Variants in USP21 observed in about 807,000 individuals in gnomAD.
USP21 encodes ubiquitin specific peptidase 21, also known as ubiquitin carboxyl-terminal hydrolase 21.
In USP21, 37 loss-of-function variants were observed where a neutral mutation model predicts 70.8. The ratio of observed to expected loss-of-function variants is 0.52; its 90% confidence interval spans 0.40 to 0.69. The LOEUF (loss-of-function observed/expected upper bound fraction) is 0.69. Among genes scored for constraint, USP21 ranks in the 30% least tolerant of loss-of-function variants. The pLI, the probability that USP21 is intolerant of heterozygous loss-of-function variation, is 0.00. For synonymous variants in USP21, 263 were observed against 283.1 expected (o/e 0.93, Z 0.71); for missense variants, 584 against 740.8 (o/e 0.79, Z 2.46).
rs1372670619 is a variant in USP21, at chr1:161,163,094, C to T, written c.1049+20C>T. The T allele has an allele frequency of 1.9e-6, 3 of 1,566,034 alleles. No individual in the cohort carries two copies. ...GTTAAGGTAAGGGTCGTTCCCTCTA[C>T]CTCCTTTCCCCGTAGTTTATCAGCA... On this transcript the variant is annotated intron_variant, in intron 7 of 13. Coordinates refer to ENST00000368002, the MANE Select transcript of USP21 (RefSeq NM_001014443.3).
At position 161,164,955 on chromosome 1, in the gene USP21, G is replaced by C. The variant is rs752671079; in HGVS notation, c.1492+13G>C. On this transcript the variant is annotated intron_variant, in intron 12 of 13. Transcript: ENST00000368002. This position sits in a 1 kb window ranked among gnomAD's most constrained non-coding sequence, Gnocchi z 4.2. ...AGTGACAAAGCCGGTGAGTCTGGTGGGGAAAGTCCTAAGGAGCCAAAGGAG... is the reference window on the plus strand; with the variant it reads ...AGTGACAAAGCCGGTGAGTCTGGTGCGGAAAGTCCTAAGGAGCCAAAGGAG... The C allele has an allele frequency of 1.2e-6, 2 of 1,613,660 alleles. No individual in the cohort carries two copies. Among genetic ancestry groups the C allele is most frequent in the African/African-American group, 2.7e-5 (2 of 74,890 alleles).
Position 161,164,100 on chromosome 1 carries a change from T to C in USP21, c.1219-64T>C. The C allele has an allele frequency of 6.3e-7, 1 of 1,592,294 alleles. No individual in the cohort carries two copies. Among genetic ancestry groups the C allele is most frequent in the South Asian group, 1.1e-5 (1 of 90,558 alleles). On this transcript the variant is annotated intron_variant, in intron 9 of 13. Transcript: ENST00000368002. The surrounding 1 kb of genome is among the most constrained non-coding windows in gnomAD (Gnocchi z 4.2). ...TCTGGAGCAGAACTGAAGCCTGGAT[T>C]GATTGAGAAGAGTTGGAAAAGGAAA...
In USP21 at chr1:161,161,939, A is replaced by C; in HGVS notation, c.601-99A>C. 8.6e-7 allele frequency: 1 copy of C among 1,164,210 alleles called. No homozygotes were observed. The highest frequency in any genetic ancestry group is 1.3e-6 in the Non-Finnish European group (1 of 770,566). The allele number at this position is 1,164,210 out of a possible 1,614,324, so 72.1% of individuals were successfully genotyped here. Reference sequence around the variant, plus strand: ...ATAGGGTAGAGTTTGGGGATGAAACATGCATGGGATGGGGGAGGCAGTGGG... The same window carrying C: ...ATAGGGTAGAGTTTGGGGATGAAACCTGCATGGGATGGGGGAGGCAGTGGG... On this transcript the variant is annotated intron_variant, in intron 3 of 13. Coordinates refer to ENST00000368002, the MANE Select transcript of USP21 (RefSeq NM_001014443.3). The surrounding 1 kb of genome is among the most constrained non-coding windows in gnomAD (Gnocchi z 4.2).
At chr1:161,165,256 C>A (rs1658528482) in intron 13 of USP21, 101 bp from the exon 14 acceptor site, 1 of 1,415,040 alleles carries the variant, frequency 7.1e-7, no homozygotes, top group Non-Finnish European at 1.0e-6. Flanking sequence ...AGGTGGAGGT[C>A]TTGCCTGATC....
Position 161,161,726 on chromosome 1 carries a change from T to G in USP21, c.601-312T>G. 2.1e-6 allele frequency: 1 copy of G among 477,686 alleles called. No homozygotes were observed. The highest frequency in any genetic ancestry group is 3.8e-6 in the Non-Finnish European group (1 of 264,024). 29.6% of individuals were successfully genotyped at this position (477,686 alleles called of 1,614,324 possible). On this transcript the variant is annotated intron_variant, in intron 3 of 13. Coordinates refer to ENST00000368002, the MANE Select transcript of USP21 (RefSeq NM_001014443.3). This position sits in a 1 kb window ranked among gnomAD's most constrained non-coding sequence, Gnocchi z 4.2. Reference sequence around the variant, plus strand: ...TTTGGGGGCAGAAAGGTGGGAGTGGTGAGCAGCTGGGCAACCATGCCGGTG... The same window carrying G: ...TTTGGGGGCAGAAAGGTGGGAGTGGGGAGCAGCTGGGCAACCATGCCGGTG...
chr1:161,161,887 G>T lies in USP21; in HGVS notation c.601-151G>T. 2.7e-6 allele frequency: 2 copies of T among 742,280 alleles called. No individual in the cohort carries two copies. The highest frequency in any genetic ancestry group is 2.6e-5 in the East Asian group (1 of 38,670). 46.0% of individuals were successfully genotyped at this position (742,280 alleles called of 1,614,324 possible). ...CTTACTGCTCATGACCAGTGAGGTA[G>T]GGAGACTAGAATACCTAGTGAGGGG... On this transcript the variant is annotated intron_variant, in intron 3 of 13. Coordinates refer to ENST00000368002, the MANE Select transcript of USP21 (RefSeq NM_001014443.3). This position sits in a 1 kb window ranked among gnomAD's most constrained non-coding sequence, Gnocchi z 4.2.
Position 161,162,771 on chromosome 1 carries a change from G to C in USP21, c.893+45G>C. Reference sequence around the variant, plus strand: ...TGGGATTTCTCTCTGGCCATGTCTGGGGGTAGGGCCAAGCAAGGGCCCTGG... The same window carrying C: ...TGGGATTTCTCTCTGGCCATGTCTGCGGGTAGGGCCAAGCAAGGGCCCTGG... On this transcript the variant is annotated intron_variant, in intron 6 of 13. Transcript: ENST00000368002. This position sits in a 1 kb window ranked among gnomAD's most constrained non-coding sequence, Gnocchi z 4.1. 1 of 1,581,596 alleles carries C rather than the reference G, an allele frequency of 6.3e-7. No individual in the cohort carries two copies. The highest frequency in any genetic ancestry group is 8.7e-7 in the Non-Finnish European group (1 of 1,150,538).
chr1:161,164,090 A>C lies in USP21; in HGVS notation c.1219-74A>C. The stretch of plus-strand genomic sequence containing the variant: ...CCTGTGGGTTTCTGGAGCAGAACTG[A>C]AGCCTGGATTGATTGAGAAGAGTTG... On this transcript the variant is annotated intron_variant, in intron 9 of 13. Coordinates refer to ENST00000368002, the MANE Select transcript of USP21 (RefSeq NM_001014443.3). The surrounding 1 kb of genome is among the most constrained non-coding windows in gnomAD (Gnocchi z 4.2). The C allele has an allele frequency of 1.3e-6, 2 of 1,590,464 alleles. No individual in the cohort carries two copies.
In USP21 at chr1:161,161,908, A is replaced by AGGGGAATAG; in HGVS notation, c.601-127_601-119dup. The stretch of plus-strand genomic sequence containing the variant: ...GGTAGGGAGACTAGAATACCTAGTG[A>AGGGGAATAG]GGGGAATAGGGTAGAGTTTGGGGAT... On this transcript the variant is annotated intron_variant, in intron 3 of 13. Coordinates refer to ENST00000368002, the MANE Select transcript of USP21 (RefSeq NM_001014443.3). This position sits in a 1 kb window ranked among gnomAD's most constrained non-coding sequence, Gnocchi z 4.2. The AGGGGAATAG allele has an allele frequency of 1.2e-6, 1 of 864,990 alleles. No homozygotes were observed. Among genetic ancestry groups the AGGGGAATAG allele is most frequent in the African/African-American group, 1.6e-5 (1 of 60,844 alleles). 53.6% of individuals were successfully genotyped at this position (864,990 alleles called of 1,614,324 possible). A position where few individuals can be genotyped will look rare whatever the true frequency, so the allele number is the denominator to read the frequency against.
chr1:161,162,683 C>T lies in USP21; in HGVS notation c.850C>T (p.Arg284Ter), dbSNP rs1658027277. Residue 284 changes from arginine to a stop codon, truncating the protein, a stop_gained, in exon 6 of 14, where the codon CGA becomes TGA. Coordinates refer to ENST00000368002, the MANE Select transcript of USP21 (RefSeq NM_001014443.3). LOFTEE classifies it high-confidence loss of function. This position sits in a 1 kb window ranked among gnomAD's most constrained non-coding sequence, Gnocchi z 4.1. ...SCEAVNPTRF[R>*]AVFQKYVPSF... ...CGAAGCTGTGAATCCTACTCGATTC[C>T]GAGCTGTCTTCCAGAAATATGTTCC... 6.2e-7 allele frequency: 1 copy of T among 1,614,124 alleles called. No individual in the cohort carries two copies. The highest frequency in any genetic ancestry group is 8.5e-7 in the Non-Finnish European group (1 of 1,179,968).
intron 13 of USP21, 55 bp downstream of exon 13, chr1:161,165,198 C>A: frequency 6.5e-7 from 1 of 1,530,970 alleles, no homozygotes; most frequent in Non-Finnish European, 9.0e-7. Context: ...CCCTGACACC[C>A]TCCCCTTCTA....
Position 161,160,732 on chromosome 1 carries a change from C to G in USP21, c.92C>G (p.Pro31Arg), listed in dbSNP as rs769407463. The G allele has an allele frequency of 6.2e-7, 1 of 1,614,098 alleles. No individual in the cohort carries two copies. The highest frequency in any genetic ancestry group is 8.5e-7 in the Non-Finnish European group (1 of 1,180,054). ...GTGGGATCCAAGCTACCATTTGCCC[C>G]CAGGGCCCGCAGCAAGGAGCGCAGA... ...PRVGSKLPFA[P>R]RARSKERRNP... is the part of the protein sequence containing the mutation. The change falls in exon 3 of 14, where the codon CCC (proline) becomes CGC (arginine). Residue 31 changes from proline to arginine, a missense_variant. Transcript: ENST00000368002.
rs1416346826 is a variant in USP21, at chr1:161,164,424, G to A, written c.1306-110G>A. The A allele has an allele frequency of 7.0e-7, 1 of 1,436,168 alleles. No individual in the cohort carries two copies. Among genetic ancestry groups the A allele is most frequent in the Non-Finnish European group, 9.7e-7 (1 of 1,027,956 alleles). The allele number at this position is 1,436,168 out of a possible 1,614,324, so 89.0% of individuals were successfully genotyped here. A position where few individuals can be genotyped will look rare whatever the true frequency, so the allele number is the denominator to read the frequency against. ...CTAGAGCAAAGGGGAGAAGCCAAGAGGATCCAGCTGTAATGAAGAGCATAC... is the reference window on the plus strand; with the variant it reads ...CTAGAGCAAAGGGGAGAAGCCAAGAAGATCCAGCTGTAATGAAGAGCATAC... On this transcript the variant is annotated intron_variant, in intron 10 of 13. Coordinates refer to ENST00000368002, the MANE Select transcript of USP21 (RefSeq NM_001014443.3). The surrounding 1 kb of genome is among the most constrained non-coding windows in gnomAD (Gnocchi z 4.2).
At position 161,163,088 on chromosome 1, in the gene USP21, C is replaced by A; in HGVS notation, c.1049+14C>A. ...ACCTGAGTTAAGGTAAGGGTCGTTC[C>A]CTCTACCTCCTTTCCCCGTAGTTTA... On this transcript the variant is annotated intron_variant, in intron 7 of 13. Coordinates refer to ENST00000368002, the MANE Select transcript of USP21 (RefSeq NM_001014443.3). The A allele has an allele frequency of 1.9e-6, 3 of 1,572,424 alleles. No individual in the cohort carries two copies. The highest frequency in any genetic ancestry group is 2.6e-6 in the Non-Finnish European group (3 of 1,160,216).
chr1:161,165,486 C>T lies in USP21; in HGVS notation c.*39C>T, dbSNP rs775919041. On this transcript the variant is annotated 3_prime_UTR_variant, in exon 14 of 14. Transcript: ENST00000368002. ...TGGCACCTGTGAAGCCCTTTAAACA[C>T]CCTTAAGCCCCAGGCTCCCCGTTTA... The T allele has an allele frequency of 2.0e-6, 3 of 1,493,604 alleles. No individual in the cohort carries two copies. In the African/African-American group the frequency reaches 4.2e-5, roughly 21 times the overall value. The allele number at this position is 1,493,604 out of a possible 1,614,324, so 92.5% of individuals were successfully genotyped here. A position where few individuals can be genotyped will look rare whatever the true frequency, so the allele number is the denominator to read the frequency against.
chr1:161,164,515 C>T lies in USP21; in HGVS notation c.1306-19C>T, dbSNP rs924790628. ...AGGTTAGGAGCATATTAACCTAACA[C>T]TGTTTGCCATTTATTCAGGTGTGTG... On this transcript the variant is annotated intron_variant, in intron 10 of 13. Coordinates refer to ENST00000368002, the MANE Select transcript of USP21 (RefSeq NM_001014443.3). This position sits in a 1 kb window ranked among gnomAD's most constrained non-coding sequence, Gnocchi z 4.2. The T allele has an allele frequency of 1.9e-6, 3 of 1,613,988 alleles. No homozygotes were observed. In the African/African-American group the frequency reaches 4.0e-5, roughly 22 times the overall value.
chr1:161,163,194 A>T, intron 7 of USP21, 120 bp downstream of exon 7: 4 of 1,246,650 alleles, frequency 3.2e-6, no homozygotes, highest in Non-Finnish European at 4.4e-6. Flanking sequence ...AGTATAGAAA[A>T]TAGTATGAGA....
chr1:161,163,837 C>T (rs755767687), intron 8 of USP21, 41 bp from the exon 9 acceptor site: 9 of 1,570,908 alleles, frequency 5.7e-6, no homozygotes, highest in Non-Finnish European at 7.9e-6. Flanking sequence ...CTCATAACAT[C>T]CAACAATGAC....
Position 161,164,065 on chromosome 1 carries a change from C to T in USP21, c.1218+84C>T, listed in dbSNP as rs1025718271. Reference sequence around the variant, plus strand: ...CCACCCCCAGAGTGTGGGCGGGAACCCTGTGGGTTTCTGGAGCAGAACTGA... The same window carrying T: ...CCACCCCCAGAGTGTGGGCGGGAACTCTGTGGGTTTCTGGAGCAGAACTGA... On this transcript the variant is annotated intron_variant, in intron 9 of 13. Transcript: ENST00000368002. The surrounding 1 kb of genome is among the most constrained non-coding windows in gnomAD (Gnocchi z 4.2). 4.4e-6 allele frequency: 7 copies of T among 1,582,606 alleles called. No individual in the cohort carries two copies. The African/African-American group carries it at 8.1e-5, about 18-fold the overall frequency.
Sources: gnomAD v4.1 joint callset for allele counts on GRCh38, gnomAD v4.1.1 for gene constraint, Gnocchi (gnomAD v3.1) non-coding constraint, MANE v1.5 for transcripts, NCBI Gene and HGNC (gene_info 2026-07-23, HGNC 2026-07-21) for gene names.